SVIL: variants seen among roughly 807,000 people sequenced by gnomAD.
SVIL encodes the protein supervillin, also known as archvillin.
SVIL carries 101 observed loss-of-function variants against 240.4 expected under a neutral mutation model. The observed-to-expected ratio is 0.42, with a 90% CI of 0.36 to 0.50. The LOEUF (loss-of-function observed/expected upper bound fraction) is 0.50. SVIL is among the 20% of genes least tolerant of loss of function. The pLI, the probability that SVIL is intolerant of heterozygous loss-of-function variation, is 0.01. For missense variants in SVIL, 2,512 were observed against 2,818.7 expected (o/e 0.89, Z 2.46); for synonymous variants, 999 against 1,100.0 (o/e 0.91, Z 1.82).
intron 1 of SVIL, among the ~76,000 whole-genome samples, chr10:29,599,347 A>C (rs182714959): frequency 1.3e-5 from 2 of 152,096 alleles, no homozygotes; most frequent in African/African-American, 4.8e-5. Flanking sequence ...CACATTCAAC[A>C]TCGTGAGAAT....
rs553530060 is a variant in SVIL, at chr10:29,605,971, T to TG, written c.-201+28448dup. ...TGTCGCCCAGGCTGGAGTGCAGTAGTGCCATCTCAGCTCACTGCAACCTCC... is the reference window on the plus strand; with the variant it reads ...TGTCGCCCAGGCTGGAGTGCAGTAGTGGCCATCTCAGCTCACTGCAACCTCC... On this transcript the variant is annotated intron_variant, in intron 1 of 37. Transcript: ENST00000355867. Among the ~76,000 whole-genome samples the TG allele has an allele frequency of 2.4e-3, 365 of 152,132 alleles. 7 individuals are homozygous for TG. The South Asian group carries it at 0.044, about 18-fold the overall frequency.
At chr10:29,545,359 A>AG (rs1395367581) in intron 6 of SVIL, among the ~76,000 whole-genome samples, 1 of 152,000 alleles carries the variant, frequency 6.6e-6, no homozygotes, top group East Asian at 1.9e-4. Context: ...ATCCATGGGG[A>AG]GCCCTGCCCA....
chr10:29,700,211 A>G (rs1436679771), intron 1 of SVIL, among the ~76,000 whole-genome samples: 1 of 152,222 alleles, frequency 6.6e-6, no homozygotes, highest in African/African-American at 2.4e-5. Flanking sequence ...CTTTGTTTAC[A>G]TATGATGGAA....
intron 3 of SVIL, among the ~76,000 whole-genome samples, chr10:29,646,911 A>G (rs1958676134): frequency 6.6e-6 from 1 of 152,220 alleles, no homozygotes; most frequent in African/African-American, 2.4e-5. Context: ...AAATTCAGTG[A>G]CTGAGGGAGA....
intron 2 of SVIL, among the ~76,000 whole-genome samples, chr10:29,684,603 G>A (rs1159006923): frequency 6.6e-6 from 1 of 152,170 alleles, no homozygotes; most frequent in Non-Finnish European, 1.5e-5. Context: ...TTATGTAGAT[G>A]AAGTCTCATA....
chr10:29,691,372 C>T (rs1292620919), intron 1 of SVIL, among the ~76,000 whole-genome samples: 7 of 151,966 alleles, frequency 4.6e-5, no homozygotes, highest in East Asian at 1.9e-4. Flanking sequence ...CCACCACGCC[C>T]GGCTAATTTT....
chr10:29,554,863 G>A lies in SVIL; in HGVS notation c.80C>T (p.Thr27Ile). The A allele has an allele frequency of 6.2e-7, 1 of 1,613,938 alleles. No individual in the cohort carries two copies. The change falls in exon 5 of 38, where the codon ACA (threonine) becomes ATA (isoleucine). Residue 27 changes from threonine to isoleucine, a missense_variant. Physicochemically the swap from Thr to Ile is moderately conservative, Grantham distance 89 (BLOSUM62 -1). This residue lies in a region of SVIL where 1,443 missense variants were observed against 1,486.6 expected (regional missense o/e 0.97). Coordinates refer to ENST00000355867, the MANE Select transcript of SVIL (RefSeq NM_021738.3). Reference protein sequence around the residue: ...DTQPILLQSCTGLVTHRLLEE... With the variant: ...DTQPILLQSCIGLVTHRLLEE... ...CAGCAGGCGGTGAGTCACCAATCCT[G>A]TGCAGCTCTGCAAGAGGATGGGCTG... is the stretch of plus-strand genomic sequence containing the variant.
rs184138117 is a variant in SVIL at position 29,607,883 on chromosome 10, G to A, written c.-201+26537C>T. Among the ~76,000 whole-genome samples the A allele has an allele frequency of 5.3e-5, 8 of 152,254 alleles. No individual in the cohort carries two copies. In the East Asian group the frequency reaches 5.8e-4, roughly 11 times the overall value. ...AAGAAGAAGATGTGAACTGAGTTGCGAAAATCAAACTCTAAGAGCTGGGAG... is the reference window on the plus strand; with the variant it reads ...AAGAAGAAGATGTGAACTGAGTTGCAAAAATCAAACTCTAAGAGCTGGGAG... On this transcript the variant is annotated intron_variant, in intron 1 of 37. Coordinates refer to ENST00000355867, the MANE Select transcript of SVIL (RefSeq NM_021738.3).
chr10:29,509,400 C>T (rs1269348108), intron 17 of SVIL, among the ~76,000 whole-genome samples: 1 of 141,988 alleles, frequency 7.0e-6, no homozygotes, highest in Non-Finnish European at 1.5e-5. Flanking sequence ...CAGTTTTTCA[C>T]AGGAAATGAC....
intron 1 of SVIL, among the ~76,000 whole-genome samples, chr10:29,614,402 G>A (rs1051318380): frequency 6.6e-6 from 1 of 152,076 alleles, no homozygotes; most frequent in African/African-American, 2.4e-5. Context: ...CAAAGACTTG[G>A]AACCAACCCA....
intron 16 of SVIL, 38 bp downstream of exon 16, chr10:29,522,372 C>T: frequency 6.2e-7 from 1 of 1,604,906 alleles, no homozygotes; most frequent in Non-Finnish European, 8.5e-7. Context: ...TAAGCTCCTC[C>T]CCGAGAGAAT....
intron 3 of SVIL, among the ~76,000 whole-genome samples, chr10:29,644,642 GCCT>G (rs1038961149): frequency 6.6e-6 from 1 of 152,178 alleles, no homozygotes; most frequent in Admixed American, 6.5e-5. Flanking sequence ...CTGCACTCCA[GCCT>G]GGGCGGCAGA....
chr10:29,479,353 G>A (rs1332332526), intron 29 of SVIL, among the ~76,000 whole-genome samples: 1 of 152,220 alleles, frequency 6.6e-6, no homozygotes, highest in African/African-American at 2.4e-5. Flanking sequence ...TGATCTTACT[G>A]TCTTGGTCCT....
chr10:29,592,575 T>C (rs1457450948), intron 1 of SVIL, among the ~76,000 whole-genome samples: 1 of 152,206 alleles, frequency 6.6e-6, no homozygotes, highest in African/African-American at 2.4e-5. Context: ...TGTCAAGGTG[T>C]CCATCGTTGC....
chr10:29,647,624 G>GGGGTGTGTGTGTGT (rs148132418), intron 3 of SVIL, among the ~76,000 whole-genome samples: 34 of 151,684 alleles, frequency 2.2e-4, no homozygotes, highest in South Asian at 8.3e-4. Context: ...TGCAAATATA[G>GGGGTGTGTGTGTGT]GTGTGTGTGT....
At chr10:29,566,900 C>CTGCAGG (rs1564651778) in intron 2 of SVIL, among the ~76,000 whole-genome samples, 1 of 152,234 alleles carries the variant, frequency 6.6e-6, no homozygotes, top group Non-Finnish European at 1.5e-5. Flanking sequence ...GGGTCAACCT[C>CTGCAGG]TGCAGGCCTT....
chr10:29,509,324 G>GAGAGAGAGA (rs1564540768), intron 17 of SVIL, among the ~76,000 whole-genome samples: 6 of 79,778 alleles, frequency 7.5e-5, no homozygotes, highest in Non-Finnish European at 1.6e-4. Context: ...GGAGAAGGAG[G>GAGAGAGAGA]GGGAGGGAGA....
At chr10:29,734,507 A>G (rs1964787531) in intron 1 of SVIL, among the ~76,000 whole-genome samples, 1 of 152,248 alleles carries the variant, frequency 6.6e-6, no homozygotes, top group East Asian at 1.9e-4. Context: ...TGAAACAGAA[A>G]TAACCTCCTG....
rs542091635 is a variant in SVIL, at chr10:29,644,883, C to T, written c.-201+13086G>A. ...GGAGGGTCCCATCTGAAAACTGGGGCGTGGGAGGATGGGGTCTGACAGGAG... is the reference window on the plus strand; with the variant it reads ...GGAGGGTCCCATCTGAAAACTGGGGTGTGGGAGGATGGGGTCTGACAGGAG... On this transcript the variant is annotated intron_variant, in intron 3 of 35. Transcript: ENST00000375400. Among the ~76,000 whole-genome samples, 9 of 151,144 alleles carry T rather than the reference C, an allele frequency of 6.0e-5. No individual in the cohort carries two copies. In the East Asian group the frequency reaches 7.8e-4, roughly 13 times the overall value.
Sources: gnomAD v4.1 joint callset for allele counts (sites outside exome capture counted in the v4.1 genomes callset) on GRCh38, gnomAD v4.1.1 for gene constraint, gnomAD v4.1.1 regional missense constraint, MANE v1.5 for transcripts, NCBI Gene and HGNC (gene_info 2026-07-23, HGNC 2026-07-21) for gene names.